IL12RB2: variants seen among roughly 807,000 people sequenced by gnomAD.
IL12RB2 encodes the protein interleukin-12 receptor subunit beta-2.
In IL12RB2, 82 loss-of-function variants were observed where a neutral mutation model predicts 89.4. The observed-to-expected ratio is 0.92, with a 90% CI of 0.77 to 1.10. The LOEUF (loss-of-function observed/expected upper bound fraction) is 1.10. IL12RB2 is among the 50% of genes least tolerant of loss of function. IL12RB2 has a pLI of 0.00. For synonymous variants in IL12RB2, 368 were observed against 370.1 expected (o/e 0.99, Z 0.07); for missense variants, 963 against 1,031.9 (o/e 0.93, Z 0.92).
In IL12RB2 at chr1:67,312,220, A is replaced by G. The variant is rs1039661015; in HGVS notation, c.-124-1693A>G. 4.6e-5 allele frequency among the ~76,000 whole-genome samples: 7 copies of G among 152,328 alleles called. No individual in the cohort carries two copies. In the South Asian group the frequency reaches 8.3e-4, roughly 18 times the overall value. ...TCTTTCCAGCACATCATCCTTCCCAATAGAAGACAGCTTATTTTATCGATA... is the reference window on the plus strand; with the variant it reads ...TCTTTCCAGCACATCATCCTTCCCAGTAGAAGACAGCTTATTTTATCGATA... On this transcript the variant is annotated intron_variant, in intron 1 of 16. Coordinates refer to ENST00000674203, the MANE Select transcript of IL12RB2 (RefSeq NM_001374259.2).
intron 6 of IL12RB2, among the ~76,000 whole-genome samples, chr1:67,329,086 T>G (rs147604970): frequency 6.6e-6 from 1 of 152,338 alleles, no homozygotes; most frequent in Non-Finnish European, 1.5e-5. Context: ...TACTATACAC[T>G]TTTCCACCAT....
rs200103911 is a variant in IL12RB2, at chr1:67,390,122, T to G, written c.2040T>G (p.Ile680Met). The stretch of plus-strand genomic sequence containing the variant: ...GCACTTGCGCTAAGAAATATCCCAT[T>G]GCAGAGGTAAGGTACAATTCCTCTG... The part of the protein sequence containing the change: ...ANSTCAKKYP[I>M]AEEKTQLPLD... Residue 680 changes from isoleucine (I) to methionine (M), a missense_variant, in exon 16 of 17, where the codon ATT becomes ATG. By Grantham distance (10) the Ile-to-Met change is conservative. Transcript: ENST00000674203. 5 of 1,133,106 alleles carry G rather than the reference T, an allele frequency of 4.4e-6. No homozygotes were observed. The allele number at this position is 1,133,106 out of a possible 1,614,324, so 70.2% of individuals were successfully genotyped here.
At chr1:67,372,405 G>A (rs753843216) in intron 11 of IL12RB2, 31 bp from the exon 12 acceptor site, 34 of 1,149,922 alleles carry the variant, frequency 3.0e-5, no homozygotes, top group Admixed American at 8.4e-5. Flanking sequence ...GTAATGGCAC[G>A]GCTGTTATGG....
At chr1:67,359,498 G>T (rs1156413762) in intron 10 of IL12RB2, among the ~76,000 whole-genome samples, 1 of 152,134 alleles carries the variant, frequency 6.6e-6, no homozygotes, top group African/African-American at 2.4e-5. Flanking sequence ...GAGTCGGGTG[G>T]ATCACTTGTG....
intron 5 of IL12RB2, among the ~76,000 whole-genome samples, chr1:67,327,684 AT>A (rs1466398841): frequency 6.6e-6 from 1 of 152,168 alleles, no homozygotes. Context: ...GATCCAGCTG[AT>A]TTGTGCTATT....
At chr1:67,342,761 C>CTTTTTTTTTTTTTTTTTTT in intron 9 of IL12RB2, among the ~76,000 whole-genome samples, 1 of 137,168 alleles carries the variant, frequency 7.3e-6, no homozygotes, top group Non-Finnish European at 1.6e-5. Context: ...AAAATCACAC[C>CTTTTTTTTTTTTTTTTTTT]TTTTTTTTTT....
chr1:67,318,093 C>T (rs111944442), intron 2 of IL12RB2, among the ~76,000 whole-genome samples: 2 of 152,024 alleles, frequency 1.3e-5, no homozygotes, highest in Non-Finnish European at 2.9e-5. Flanking sequence ...CACGAAGACG[C>T]AAGGGAAGAG....
intron 10 of IL12RB2, among the ~76,000 whole-genome samples, chr1:67,353,788 G>T (rs1366059927): frequency 6.6e-6 from 1 of 152,062 alleles, no homozygotes; most frequent in African/African-American, 2.4e-5. Context: ...GAATTCTGTG[G>T]TTCTATTCTG....
chr1:67,311,100 A>T (rs1654995342), intron 1 of IL12RB2, among the ~76,000 whole-genome samples: 1 of 152,198 alleles, frequency 6.6e-6, no homozygotes, highest in Non-Finnish European at 1.5e-5. Context: ...CACAGGCCAT[A>T]TAGCTGGAAT....
chr1:67,321,732 C>A lies in IL12RB2; in HGVS notation c.207C>A (p.Ile69=), dbSNP rs867089003. 6.2e-7 allele frequency: 1 copy of A among 1,612,386 alleles called. No homozygotes were observed. The highest frequency in any genetic ancestry group is 8.5e-7 in the Non-Finnish European group (1 of 1,178,438). ...CFHYSRRNKL[I]LYKFDRRINF... ...ACTATTCCAGACGTAACAAGTTAATCCTGTACAAGTTTGACAGAAGAATCA... is the reference window on the plus strand; with the variant it reads ...ACTATTCCAGACGTAACAAGTTAATACTGTACAAGTTTGACAGAAGAATCA... Residue 69 remains isoleucine, a synonymous_variant, in exon 4 of 17, where the codon ATC becomes ATA. Transcript: ENST00000674203.
chr1:67,351,173 C>G (rs1031570861), intron 10 of IL12RB2, 84 bp downstream of exon 10: 3 of 1,564,996 alleles, frequency 1.9e-6, no homozygotes, highest in Non-Finnish European at 2.6e-6. Flanking sequence ...AACCCAGGAC[C>G]TAAAATGAGT....
At chr1:67,312,190 G>T (rs1331750064) in intron 1 of IL12RB2, among the ~76,000 whole-genome samples, 1 of 152,130 alleles carries the variant, frequency 6.6e-6, no homozygotes. Flanking sequence ...ATGGTGCCCG[G>T]GGCCTCTTTC....
chr1:67,346,165 G>A (rs1306042691), intron 9 of IL12RB2, among the ~76,000 whole-genome samples: 1 of 152,080 alleles, frequency 6.6e-6, no homozygotes, highest in East Asian at 1.9e-4. Flanking sequence ...GGATGTTCTT[G>A]GGCAAAGTGC....
At chr1:67,374,832 T>A (rs1380889398) in intron 13 of IL12RB2, among the ~76,000 whole-genome samples, 1 of 128,360 alleles carries the variant, frequency 7.8e-6, no homozygotes, top group Non-Finnish European at 1.6e-5. Context: ...ACTTTAATAG[T>A]CAAAGCCTCT....
chr1:67,337,144 T>C (rs114361014), intron 8 of IL12RB2, among the ~76,000 whole-genome samples: 14 of 152,330 alleles, frequency 9.2e-5, no homozygotes, highest in African/African-American at 3.4e-4. Context: ...CCTCTACATG[T>C]GGGTACTTAC....
intron 9 of IL12RB2, among the ~76,000 whole-genome samples, chr1:67,350,654 A>ATCT (rs1314735416): frequency 6.6e-6 from 1 of 152,232 alleles, no homozygotes; most frequent in Non-Finnish European, 1.5e-5. Context: ...CTTAAGAATT[A>ATCT]TCTTTTAAAA....
At position 67,321,595 on chromosome 1, in the gene IL12RB2, A is replaced by T; in HGVS notation, c.77-7A>T. On this transcript the variant is annotated splice_region_variant and splice_polypyrimidine_tract_variant and intron_variant, in intron 3 of 16. Transcript: ENST00000674203. Reference sequence around the variant, plus strand: ...CAACTAAATATTGCATCTGTATCTTATTGCAGATGCGTGCAAGAGAGGCGA... The same window carrying T: ...CAACTAAATATTGCATCTGTATCTTTTTGCAGATGCGTGCAAGAGAGGCGA... 6.4e-7 allele frequency: 1 copy of T among 1,565,182 alleles called. No individual in the cohort carries two copies. The highest frequency in any genetic ancestry group is 8.8e-7 in the Non-Finnish European group (1 of 1,135,820).
In IL12RB2 at chr1:67,368,141, G is replaced by T; in HGVS notation, c.1459+116G>T. ...TTACAGGTGGCTACATGATGAGAGA[G>T]ACTGATGACCTAGAGTCCACCCAGC... On this transcript the variant is annotated intron_variant, in intron 11 of 16. Coordinates refer to ENST00000674203, the MANE Select transcript of IL12RB2 (RefSeq NM_001374259.2). 3 of 728,104 alleles carry T rather than the reference G, an allele frequency of 4.1e-6. No individual in the cohort carries two copies. In the South Asian group the frequency reaches 4.4e-5, roughly 11 times the overall value. The allele number at this position is 728,104 out of a possible 1,614,324, so 45.1% of individuals were successfully genotyped here.
chr1:67,309,405 T>G (rs933607050), intron 1 of IL12RB2, among the ~76,000 whole-genome samples: 1 of 152,208 alleles, frequency 6.6e-6, no homozygotes, highest in Non-Finnish European at 1.5e-5. Context: ...CAAACAAACG[T>G]TGGATTCTCA....
Sources: allele counts gnomAD v4.1 joint callset (sites outside exome capture counted in the v4.1 genomes callset), GRCh38; gene constraint gnomAD v4.1.1; transcripts MANE v1.5; gene names NCBI Gene and HGNC (gene_info 2026-07-23, HGNC 2026-07-21).